PPM1E: variants seen among roughly 807,000 people sequenced by gnomAD.
PPM1E encodes protein phosphatase, Mg2+/Mn2+ dependent 1E.
A neutral mutation model predicts 65.9 loss-of-function variants in PPM1E; 20 were observed. The observed-to-expected ratio is 0.30, with a 90% confidence interval of 0.21 to 0.44. The LOEUF (loss-of-function observed/expected upper bound fraction) is 0.44. Among genes scored for constraint, PPM1E ranks in the 20% least tolerant of loss-of-function variants. PPM1E has a pLI of 1.00. For missense variants in PPM1E, 713 were observed against 953.1 expected (o/e 0.75, Z 3.32); for synonymous variants, 352 against 374.9 (o/e 0.94, Z 0.70).
chr17:58,836,061 A>G (rs2050652681), intron 1 of PPM1E: 1 of 152,160 alleles, frequency 6.6e-6, no homozygotes, highest in Non-Finnish European at 1.5e-5. Context: ...CAAAATTGGT[A>G]AACAGTAGAG....
chr17:58,981,082 T>C lies in PPM1E; in HGVS notation c.*51T>C, dbSNP rs1428541597. 7.8e-7 allele frequency: 1 copy of C among 1,289,936 alleles called. No individual in the cohort carries two copies. The highest frequency in any genetic ancestry group is 1.1e-6 in the Non-Finnish European group (1 of 928,476). The allele number at this position is 1,289,936 out of a possible 1,614,324, so 79.9% of individuals were successfully genotyped here. On this transcript the variant is annotated 3_prime_UTR_variant, in exon 7 of 7. Transcript: ENST00000308249. ...CTCTCCCCCAATAAAAATACCACTA[T>C]CAGAGTAGAAACAAGGTAGACATTT...
chr17:58,784,825 A>T (rs1027135803), intron 1 of PPM1E, among the ~76,000 whole-genome samples: 7 of 152,124 alleles, frequency 4.6e-5, no homozygotes, highest in African/African-American at 1.7e-4. Flanking sequence ...GCCTAGCCTT[A>T]CCCATTTTTT....
chr17:58,929,647 T>G (rs1453279719), intron 1 of PPM1E, among the ~76,000 whole-genome samples: 3 of 152,200 alleles, frequency 2.0e-5, no homozygotes, highest in African/African-American at 7.2e-5. Context: ...ATTTTCATTT[T>G]TCTGTACATT....
intron 1 of PPM1E, among the ~76,000 whole-genome samples, chr17:58,941,691 C>CA (rs772567524): frequency 0.24 from 14,809 of 62,888 alleles, 1,498 homozygotes; most frequent in Non-Finnish European, 0.28. Flanking sequence ...GACTCCATCT[C>CA]AAAAAAAAAA....
At chr17:58,760,189 G>A (rs191622067) in intron 1 of PPM1E, among the ~76,000 whole-genome samples, 2 of 152,134 alleles carry the variant, frequency 1.3e-5, no homozygotes, top group East Asian at 1.9e-4. Flanking sequence ...TGACTTATTT[G>A]TCCCTAGTCA....
At chr17:58,915,423 C>T (rs1006950768) in intron 1 of PPM1E, among the ~76,000 whole-genome samples, 3 of 152,158 alleles carry the variant, frequency 2.0e-5, no homozygotes, top group Non-Finnish European at 2.9e-5. Flanking sequence ...TTCTTTACTG[C>T]GTCCTGTTTT....
At chr17:58,838,749 C>A (rs2050688063) in intron 1 of PPM1E, among the ~76,000 whole-genome samples, 1 of 152,182 alleles carries the variant, frequency 6.6e-6, no homozygotes, top group African/African-American at 2.4e-5. Context: ...CAGCTTTATT[C>A]ATAACTGCCC....
intron 1 of PPM1E, among the ~76,000 whole-genome samples, chr17:58,815,006 G>A (rs754558577): frequency 2.0e-5 from 3 of 152,286 alleles, no homozygotes; most frequent in South Asian, 2.1e-4. Context: ...AATCCTCAAC[G>A]ATAAAAGTCT....
At chr17:58,826,615 A>C (rs2050539662) in intron 1 of PPM1E, among the ~76,000 whole-genome samples, 1 of 152,046 alleles carries the variant, frequency 6.6e-6, no homozygotes, top group Non-Finnish European at 1.5e-5. Context: ...TAATGTACAA[A>C]TATTTTGTTT....
intron 1 of PPM1E, among the ~76,000 whole-genome samples, chr17:58,937,820 C>T (rs2052004018): frequency 7.1e-6 from 1 of 140,102 alleles, no homozygotes; most frequent in Non-Finnish European, 1.5e-5. Flanking sequence ...GTGGAGGTTA[C>T]AGTGAGCCAA....
At chr17:58,811,936 T>C (rs941306953) in intron 1 of PPM1E, among the ~76,000 whole-genome samples, 36 of 152,196 alleles carry the variant, frequency 2.4e-4, no homozygotes, top group African/African-American at 8.2e-4. Flanking sequence ...CCCAAAGTGC[T>C]GGGATTACAG....
rs768600680 is a variant in PPM1E at position 58,980,342 on chromosome 17, C to T, written c.1579C>T (p.Arg527Cys). The T allele has an allele frequency of 9.3e-6, 15 of 1,614,062 alleles. No homozygotes were observed. The highest frequency in any genetic ancestry group is 5.5e-5 in the South Asian group (5 of 91,076). ...TAAGGAGAATCATGGAGAGTGCAAA[C>T]GCCCTTGGCCTCAGCACCAGTGCTC... ...DDKENHGECK[R>C]PWPQHQCSAP... The change falls in exon 7 of 7, where the codon CGC (arginine) becomes TGC (cysteine). Residue 527 changes from arginine to cysteine, a missense_variant. Physicochemically the swap from Arg to Cys is radical, Grantham distance 180 (BLOSUM62 -3). Around this residue, in one of 6 missense-constraint regions of PPM1E, gnomAD observed 286 missense variants for 313.8 expected, o/e 0.91. Transcript: ENST00000308249. The surrounding 1 kb of genome is among the most constrained non-coding windows in gnomAD (Gnocchi z 4.7).
chr17:58,775,870 C>A (rs889276874), intron 1 of PPM1E, among the ~76,000 whole-genome samples: 2 of 129,066 alleles, frequency 1.5e-5, no homozygotes, highest in Non-Finnish European at 3.1e-5. Flanking sequence ...GCCGAGATTG[C>A]GCCACTGCAG....
chr17:58,910,815 G>A (rs1467705238), intron 1 of PPM1E, among the ~76,000 whole-genome samples: 3 of 152,152 alleles, frequency 2.0e-5, no homozygotes, highest in Non-Finnish European at 4.4e-5. Flanking sequence ...GTTAGGCTCT[G>A]ATAAACCCCA....
intron 2 of PPM1E, among the ~76,000 whole-genome samples, chr17:58,956,366 G>A (rs886505200): frequency 6.6e-6 from 1 of 151,792 alleles, no homozygotes; most frequent in Non-Finnish European, 1.5e-5. Context: ...AACCCAGGAG[G>A]TGGAGGTTAC....
chr17:58,922,316 G>A (rs956527248), intron 1 of PPM1E, among the ~76,000 whole-genome samples: 5 of 151,900 alleles, frequency 3.3e-5, no homozygotes, highest in Admixed American at 2.0e-4. Flanking sequence ...GCAGTGGCAC[G>A]ATCATAGCTC....
intron 1 of PPM1E, among the ~76,000 whole-genome samples, chr17:58,941,190 C>G (rs1289705448): frequency 1.3e-5 from 2 of 152,082 alleles, no homozygotes; most frequent in Non-Finnish European, 2.9e-5. Flanking sequence ...TTTGACTCAT[C>G]AAAATTCAGT....
intron 1 of PPM1E, among the ~76,000 whole-genome samples, chr17:58,816,757 TATATATATATATATATATATATATA>T (rs2050420739): frequency 2.2e-4 from 1 of 4,488 alleles, no homozygotes; most frequent in African/African-American, 1.4e-3. Flanking sequence ...TATATATATA[TATATATATATATATATATATATATA>T]TATATATATA....
At chr17:58,861,591 G>C (rs1041497579) in intron 1 of PPM1E, among the ~76,000 whole-genome samples, 3 of 152,120 alleles carry the variant, frequency 2.0e-5, no homozygotes, top group Admixed American at 6.5e-5. Flanking sequence ...AGATGCACTT[G>C]ATAAGGTTAT....
Sources: allele counts gnomAD v4.1 joint callset (sites outside exome capture counted in the v4.1 genomes callset), GRCh38; gene constraint gnomAD v4.1.1; regional missense constraint gnomAD v4.1.1; non-coding constraint Gnocchi (gnomAD v3.1); transcripts MANE v1.5; gene names NCBI Gene and HGNC (gene_info 2026-07-23, HGNC 2026-07-21).